EPHB1: variants seen among roughly 807,000 people sequenced by gnomAD.
EPHB1 encodes EPH receptor B1, also known as ephrin type-B receptor 1.
EPHB1 carries 30 observed loss-of-function variants against 94.4 expected under a neutral mutation model. The observed-to-expected ratio is 0.32, with a 90% CI of 0.24 to 0.43. EPHB1 has a LOEUF of 0.43. Ranked by LOEUF, EPHB1 falls within the 20% of genes least tolerant of loss-of-function variation. EPHB1 has a pLI of 1.00. For synonymous variants in EPHB1, 522 were observed against 489.1 expected (o/e 1.07, Z -0.89); for missense variants, 1,055 against 1,308.3 (o/e 0.81, Z 2.99).
At chr3:135,144,713 G>A (rs1043168506) in intron 5 of EPHB1, among the ~76,000 whole-genome samples, 16 of 152,134 alleles carry the variant, frequency 1.1e-4, no homozygotes, top group Non-Finnish European at 7.3e-5. Flanking sequence ...CAGTGAAGGA[G>A]GAGCCTGTGA....
chr3:135,125,238 TC>T (rs1940151146), intron 4 of EPHB1, among the ~76,000 whole-genome samples: 1 of 151,576 alleles, frequency 6.6e-6, no homozygotes, highest in Non-Finnish European at 1.5e-5. Context: ...GTAACCTCCC[TC>T]CCCTATGGTA....
chr3:134,862,049 A>C (rs1311698998), intron 1 of EPHB1, among the ~76,000 whole-genome samples: 1 of 152,110 alleles, frequency 6.6e-6, no homozygotes, highest in African/African-American at 2.4e-5. Context: ...CTGCACAGGG[A>C]TTCCCGAGAA....
intron 2 of EPHB1, among the ~76,000 whole-genome samples, chr3:134,941,500 A>G (rs1035272092): frequency 2.6e-5 from 4 of 151,760 alleles, no homozygotes; most frequent in African/African-American, 7.3e-5. Flanking sequence ...GTGGCTCTTC[A>G]TTTTGACCAG....
At chr3:134,939,010 C>T (rs984709) in intron 2 of EPHB1, among the ~76,000 whole-genome samples, 22,090 of 152,044 alleles carry the variant, frequency 0.15, 2,175 homozygotes, top group African/African-American at 0.26. Context: ...ATCACAAAAA[C>T]CTCCTTCCTA....
intron 1 of EPHB1, among the ~76,000 whole-genome samples, chr3:134,866,859 A>G (rs984610443): frequency 2.0e-5 from 3 of 152,202 alleles, no homozygotes; most frequent in Non-Finnish European, 4.4e-5. Flanking sequence ...TGGGAGCAGA[A>G]CTGCTAAAGG....
rs1375810014 is a variant in EPHB1, at chr3:134,920,115, C to T, written c.59-5701C>T. 2.0e-5 allele frequency among the ~76,000 whole-genome samples: 3 copies of T among 152,234 alleles called. No individual in the cohort carries two copies. The East Asian group carries it at 5.8e-4, about 29-fold the overall frequency. Reference sequence around the variant, plus strand: ...AAAATTTCTGTGTTCTGTGTGGCTGCAAGCTCCCTGAGGGCTGGGATGTCT... The same window carrying T: ...AAAATTTCTGTGTTCTGTGTGGCTGTAAGCTCCCTGAGGGCTGGGATGTCT... On this transcript the variant is annotated intron_variant, in intron 1 of 15. Coordinates refer to ENST00000398015, the MANE Select transcript of EPHB1 (RefSeq NM_004441.5).
At chr3:135,121,179 G>A (rs1939946751) in intron 4 of EPHB1, among the ~76,000 whole-genome samples, 1 of 152,198 alleles carries the variant, frequency 6.6e-6, no homozygotes, top group South Asian at 2.1e-4. Flanking sequence ...CTTGCGAGGA[G>A]CTGAGATCCT....
chr3:135,095,681 C>T (rs1303962878), intron 3 of EPHB1, among the ~76,000 whole-genome samples: 1 of 152,148 alleles, frequency 6.6e-6, no homozygotes, highest in South Asian at 2.1e-4. Context: ...CCCACCCACC[C>T]CACACAGGAA....
intron 3 of EPHB1, among the ~76,000 whole-genome samples, chr3:135,013,438 A>C (rs996644170): frequency 1.3e-5 from 2 of 152,214 alleles, no homozygotes; most frequent in African/African-American, 4.8e-5. Context: ...CTGACCTGCT[A>C]TATCACCACC....
At chr3:135,036,369 T>A (rs915722941) in intron 3 of EPHB1, among the ~76,000 whole-genome samples, 1 of 152,170 alleles carries the variant, frequency 6.6e-6, no homozygotes, top group Non-Finnish European at 1.5e-5. Context: ...AATTGGCATA[T>A]ACCCATCCAA....
chr3:135,228,391 C>A (rs1298816105), intron 12 of EPHB1, among the ~76,000 whole-genome samples: 1 of 152,070 alleles, frequency 6.6e-6, no homozygotes, highest in Non-Finnish European at 1.5e-5. Context: ...TGATGTTTGC[C>A]TGTCCTTTGT....
chr3:135,133,185 A>T, intron 5 of EPHB1, 136 bp downstream of exon 5: 1 of 869,678 alleles, frequency 1.1e-6, no homozygotes, highest in Admixed American at 3.0e-5. Context: ...GTGTCAGGTG[A>T]TGGGCATTTG....
chr3:135,189,745 T>C (rs1042440581), intron 10 of EPHB1, among the ~76,000 whole-genome samples: 1 of 152,178 alleles, frequency 6.6e-6, no homozygotes, highest in Non-Finnish European at 1.5e-5. Flanking sequence ...CTGGAGTCTT[T>C]TTGTGTGTTG....
chr3:134,856,988 T>G (rs907164981), intron 1 of EPHB1, among the ~76,000 whole-genome samples: 3 of 152,260 alleles, frequency 2.0e-5, no homozygotes, highest in Non-Finnish European at 2.9e-5. Context: ...AAAATGCATC[T>G]AAAGAAGGAA....
chr3:135,232,397 G>C (rs559575898), intron 12 of EPHB1, among the ~76,000 whole-genome samples: 1 of 152,330 alleles, frequency 6.6e-6, no homozygotes, highest in East Asian at 1.9e-4. Context: ...GTGTGAACTT[G>C]TCTACAATGG....
In EPHB1 at chr3:134,878,768, G is replaced by A. The variant is rs1330950684; in HGVS notation, c.59-47048G>A. On this transcript the variant is annotated intron_variant, in intron 1 of 15. Coordinates refer to ENST00000398015, the MANE Select transcript of EPHB1 (RefSeq NM_004441.5). ...TGAATTTTTGCCATATGGGTTTATT[G>A]TCTGTACCATTATTGATTCACTTTT... is the stretch of plus-strand genomic sequence containing the variant. Among the ~76,000 whole-genome samples the A allele has an allele frequency of 2.0e-5, 3 of 152,182 alleles. No homozygotes were observed. The East Asian group carries it at 5.8e-4, about 29-fold the overall frequency.
At chr3:135,038,870 C>G (rs1248494223) in intron 3 of EPHB1, among the ~76,000 whole-genome samples, 6 of 152,238 alleles carry the variant, frequency 3.9e-5, no homozygotes, top group Admixed American at 6.5e-5. Flanking sequence ...ATGCTGGCTC[C>G]AGCAGCCTGC....
chr3:135,079,458 G>T (rs1240426083), intron 3 of EPHB1, among the ~76,000 whole-genome samples: 8 of 152,182 alleles, frequency 5.3e-5, no homozygotes. Flanking sequence ...ACTGGTTCTT[G>T]TAGAGACTTC....
At chr3:135,156,907 G>T (rs957414683) in intron 6 of EPHB1, among the ~76,000 whole-genome samples, 16 of 152,114 alleles carry the variant, frequency 1.1e-4, no homozygotes, top group African/African-American at 3.9e-4. Flanking sequence ...GCCTAACAAG[G>T]GTCCACCCAG....
Sources: gnomAD v4.1 joint callset for allele counts (sites outside exome capture counted in the v4.1 genomes callset) on GRCh38, gnomAD v4.1.1 for gene constraint, MANE v1.5 for transcripts, NCBI Gene and HGNC (gene_info 2026-07-23, HGNC 2026-07-21) for gene names.